FBXL17: variants seen among roughly 807,000 people sequenced by gnomAD.
The protein encoded by FBXL17 is F-box/LRR-repeat protein 17.
In FBXL17, 22 loss-of-function variants were observed where a neutral mutation model predicts 66.2. The observed-to-expected ratio is 0.33, with a 90% CI of 0.24 to 0.47. The LOEUF (loss-of-function observed/expected upper bound fraction) is 0.47. FBXL17 is among the 20% of genes least tolerant of loss of function. The probability of loss-of-function intolerance (pLI) is 1.00; values close to 1 mark genes in which losing one functional copy is unlikely to be tolerated. For synonymous variants in FBXL17, 474 were observed against 400.5 expected, an observed-to-expected ratio of 1.18 and a Z score of -2.19; for missense variants, 878 against 948.2, an observed-to-expected ratio of 0.93 and a Z score of 0.97.
intron 5 of FBXL17, among the ~76,000 whole-genome samples, chr5:108,196,338 A>G (rs1229150617): frequency 6.6e-6 from 1 of 152,176 alleles, no homozygotes; most frequent in African/African-American, 2.4e-5. Context: ...CAGCCTTCTC[A>G]GCCCCAGTGT....
chr5:107,859,890 G>A lies in FBXL17; in HGVS notation c.*1830C>T, dbSNP rs934363286. On this transcript the variant is annotated 3_prime_UTR_variant, in exon 9 of 9. Coordinates refer to ENST00000542267, the MANE Select transcript of FBXL17 (RefSeq NM_001163315.3). The stretch of plus-strand genomic sequence containing the variant: ...TATTGTGAAATAAGATATTTCAGTG[G>A]TGGGGAAGTGGATATGAAAATGATA... The A allele has an allele frequency of 1.1e-4, 16 of 152,138 alleles. No homozygotes were observed. The highest frequency in any genetic ancestry group is 3.4e-4 in the African/African-American group (14 of 41,444). The allele number at this position is 152,138 out of a possible 1,614,324, so 9.4% of individuals were successfully genotyped here.
At chr5:108,379,440 A>G (rs1749686809) in intron 1 of FBXL17, among the ~76,000 whole-genome samples, 1 of 152,236 alleles carries the variant, frequency 6.6e-6, no homozygotes, top group South Asian at 2.1e-4. Context: ...AGATCATTAC[A>G]TTTTGACACA....
At chr5:108,055,630 AAG>A (rs1554060746) in intron 6 of FBXL17, among the ~76,000 whole-genome samples, 1 of 149,114 alleles carries the variant, frequency 6.7e-6, no homozygotes, top group South Asian at 2.1e-4. Context: ...AAAAAAAAAA[AAG>A]AGAGAAAAAA....
chr5:107,975,865 T>TGG (rs1752563410), intron 7 of FBXL17, among the ~76,000 whole-genome samples: 1 of 150,464 alleles, frequency 6.6e-6, no homozygotes. Context: ...TTGTTTTTTT[T>TGG]TTTTTTTTTT....
intron 2 of FBXL17, among the ~76,000 whole-genome samples, chr5:108,366,566 G>A (rs1018220989): frequency 1.3e-5 from 2 of 150,806 alleles, no homozygotes; most frequent in Admixed American, 6.6e-5. Flanking sequence ...AGCGGGCTGG[G>A]TGGGGAGGGG....
At chr5:108,045,790 T>A (rs1286631162) in intron 6 of FBXL17, among the ~76,000 whole-genome samples, 1 of 152,248 alleles carries the variant, frequency 6.6e-6, no homozygotes, top group African/African-American at 2.4e-5. Flanking sequence ...TTTCTGGTTT[T>A]GATTTCCAGT....
At chr5:108,040,219 C>T (rs1419550485) in intron 6 of FBXL17, among the ~76,000 whole-genome samples, 5 of 152,084 alleles carry the variant, frequency 3.3e-5, no homozygotes, top group Non-Finnish European at 7.4e-5. Flanking sequence ...CTTCACTCTA[C>T]AAACAGCTTA....
At chr5:107,996,303 T>C (rs1024544661) in intron 7 of FBXL17, among the ~76,000 whole-genome samples, 1 of 152,166 alleles carries the variant, frequency 6.6e-6, no homozygotes. Context: ...TGAATTCCTA[T>C]GACACTATTT....
chr5:107,931,266 T>TA (rs1561326360), intron 7 of FBXL17, among the ~76,000 whole-genome samples: 3 of 151,406 alleles, frequency 2.0e-5, no homozygotes, highest in African/African-American at 7.3e-5. Flanking sequence ...AATTTTTTTT[T>TA]TTTTTTTTTT....
chr5:108,326,629 T>G (rs1159422514), intron 4 of FBXL17, among the ~76,000 whole-genome samples: 2 of 151,434 alleles, frequency 1.3e-5, no homozygotes, highest in Admixed American at 6.6e-5. Context: ...AGCAAAAGAT[T>G]TGAAAAGACA....
At chr5:108,235,323 C>T (rs1755549661) in intron 4 of FBXL17, among the ~76,000 whole-genome samples, 1 of 152,152 alleles carries the variant, frequency 6.6e-6, no homozygotes, top group Non-Finnish European at 1.5e-5. Context: ...CTTATGGAAT[C>T]GATCCAGAAA....
intron 6 of FBXL17, 78 bp downstream of exon 6, chr5:108,186,039 A>C (rs576767135): frequency 1.0e-5 from 12 of 1,169,774 alleles, no homozygotes; most frequent in African/African-American, 4.6e-5. Context: ...TTAGTTATAG[A>C]CATGCCTTGT....
chr5:107,991,367 C>G (rs1446575846), intron 7 of FBXL17, among the ~76,000 whole-genome samples: 1 of 152,160 alleles, frequency 6.6e-6, no homozygotes, highest in Non-Finnish European at 1.5e-5. Flanking sequence ...GGTTATTTGC[C>G]TTTAAATATA....
Position 108,381,954 on chromosome 5 carries a change from G to T in FBXL17, c.-263C>A, listed in dbSNP as rs532307478. The T allele has an allele frequency of 1.5e-3, 1,857 of 1,237,792 alleles. 5 individuals carry two copies. The highest frequency in any genetic ancestry group is 1.8e-3 in the Non-Finnish European group (1,797 of 988,746). The allele number at this position is 1,237,792 out of a possible 1,614,324, so 76.7% of individuals were successfully genotyped here. A position where few individuals can be genotyped will look rare whatever the true frequency, so the allele number is the denominator to read the frequency against. ...CGCGAGCTTTGGGGACGCGAGGGAG[G>T]GAGCGAGCGAGCCTGCCGGCTAGGC... On this transcript the variant is annotated 5_prime_UTR_variant, in exon 1 of 9. Coordinates refer to ENST00000542267, the MANE Select transcript of FBXL17 (RefSeq NM_001163315.3).
chr5:108,266,744 T>C (rs1262256275), intron 4 of FBXL17, among the ~76,000 whole-genome samples: 2 of 152,130 alleles, frequency 1.3e-5, no homozygotes, highest in Admixed American at 1.3e-4. Context: ...ATGCTAGTTT[T>C]GCCATCACAC....
intron 4 of FBXL17, among the ~76,000 whole-genome samples, chr5:108,291,863 AATC>A (rs1358362980): frequency 2.6e-5 from 4 of 152,168 alleles, no homozygotes; most frequent in Non-Finnish European, 5.9e-5. Context: ...ATGCACAATT[AATC>A]ATCAAGACTT....
chr5:108,365,862 C>A (rs898411990), intron 2 of FBXL17, among the ~76,000 whole-genome samples: 11 of 151,988 alleles, frequency 7.2e-5, no homozygotes, highest in Non-Finnish European at 1.3e-4. Context: ...CAGAAAACAC[C>A]AACAAAGGAT....
At chr5:108,136,358 G>A (rs1210656632) in intron 6 of FBXL17, among the ~76,000 whole-genome samples, 1 of 152,012 alleles carries the variant, frequency 6.6e-6, no homozygotes, top group East Asian at 1.9e-4. Context: ...AAAAAATTAG[G>A]TATTCAAATA....
chr5:108,263,935 G>A (rs751841023), intron 4 of FBXL17, among the ~76,000 whole-genome samples: 4 of 152,098 alleles, frequency 2.6e-5, no homozygotes, highest in Admixed American at 6.5e-5. Flanking sequence ...TCTACTTTAT[G>A]CCGGGTGCAG....
Sources: gnomAD v4.1 joint callset for allele counts (sites outside exome capture counted in the v4.1 genomes callset) on GRCh38, gnomAD v4.1.1 for gene constraint, MANE v1.5 for transcripts, NCBI Gene and HGNC (gene_info 2026-07-23, HGNC 2026-07-21) for gene names.